The following PIEZO2 variants were observed in gnomAD, a reference collection of about 807,000 sequenced individuals.
PIEZO2 encodes the protein piezo type mechanosensitive ion channel component 2.
In PIEZO2, 172 loss-of-function variants were observed where a neutral mutation model predicts 337.3. That is an observed-to-expected ratio of 0.51 (90% CI 0.45 to 0.58). PIEZO2 has a LOEUF of 0.58. Among genes scored for constraint, PIEZO2 ranks in the 20% least tolerant of loss-of-function variants. PIEZO2 has a pLI of 0.00. For synonymous variants in PIEZO2, 1,251 were observed against 1,228.5 expected (o/e 1.02, Z -0.38); for missense variants, 3,028 against 3,391.3 (o/e 0.89, Z 2.66).
chr18:10,956,567 C>G (rs1182874635), intron 3 of PIEZO2, among the ~76,000 whole-genome samples: 1 of 152,180 alleles, frequency 6.6e-6, no homozygotes, highest in Non-Finnish European at 1.5e-5. Flanking sequence ...AGACCCCAAA[C>G]AGCTAAAACA....
chr18:10,684,327 G>A (rs1387268303), intron 49 of PIEZO2, among the ~76,000 whole-genome samples: 1 of 9,584 alleles, frequency 1.0e-4, no homozygotes, highest in Non-Finnish European at 4.6e-4. Context: ...CACCATGCCT[G>A]GCTAATTTTT....
intron 1 of PIEZO2, among the ~76,000 whole-genome samples, chr18:11,075,111 G>A (rs1170934935): frequency 6.6e-6 from 1 of 152,164 alleles, no homozygotes; most frequent in Non-Finnish European, 1.5e-5. Flanking sequence ...GCAGTAGATA[G>A]GTAAACATTA....
chr18:10,681,468 T>TTA (rs1207011286), intron 51 of PIEZO2, among the ~76,000 whole-genome samples, 193 bp downstream of exon 51: 1 of 152,232 alleles, frequency 6.6e-6, no homozygotes, highest in Non-Finnish European at 1.5e-5. Context: ...TTACCACTAA[T>TTA]GTCCAACAAC....
rs142251928 is a variant in PIEZO2, at chr18:10,801,377, A to T, written c.1239+13T>A. The T allele has an allele frequency of 4.7e-4, 689 of 1,474,866 alleles. 2 individuals carry two copies. The African/African-American group carries it at 8.8e-3, about 19-fold the overall frequency. 91.4% of individuals were successfully genotyped at this position (1,474,866 alleles called of 1,614,324 possible). ...TACACATGCATAAATGATAATTCTAAGGGTATACTAACATCAGATGGTTTG... is the reference window on the plus strand; with the variant it reads ...TACACATGCATAAATGATAATTCTATGGGTATACTAACATCAGATGGTTTG... On this transcript the variant is annotated intron_variant, in intron 10 of 55. Coordinates refer to ENST00000674853, the MANE Select transcript of PIEZO2 (RefSeq NM_001378183.1).
chr18:10,950,882 G>C (rs1364361720), intron 3 of PIEZO2, among the ~76,000 whole-genome samples: 1 of 152,188 alleles, frequency 6.6e-6, no homozygotes, highest in Non-Finnish European at 1.5e-5. Context: ...TCTTGAAGCA[G>C]TCTCCTTTTC....
At chr18:10,887,090 GAC>G (rs2042629705) in intron 4 of PIEZO2, among the ~76,000 whole-genome samples, 1 of 81,250 alleles carries the variant, frequency 1.2e-5, no homozygotes, top group Non-Finnish European at 2.3e-5. Context: ...TTTTTTTTGA[GAC>G]AGAGTCTCGC....
At chr18:10,928,536 G>A (rs1450945879) in intron 3 of PIEZO2, among the ~76,000 whole-genome samples, 2 of 152,164 alleles carry the variant, frequency 1.3e-5, no homozygotes, top group African/African-American at 4.8e-5. Flanking sequence ...AACAGTGCCT[G>A]GCACATAAAT....
At position 10,847,868 on chromosome 18, in the gene PIEZO2, T is replaced by C. The variant is rs2041414585; in HGVS notation, c.917+7485A>G. Among the ~76,000 whole-genome samples the C allele has an allele frequency of 6.6e-6, 1 of 152,240 alleles. No homozygotes were observed. Among genetic ancestry groups the C allele is most frequent in the African/African-American group, 2.4e-5 (1 of 41,464 alleles). On this transcript the variant is annotated intron_variant, in intron 7 of 55. Transcript: ENST00000674853. The surrounding 1 kb of genome is among the most constrained non-coding windows in gnomAD (Gnocchi z 5.7). ...TAGAGATTAACTGCTGCCAATGCCA[T>C]CTTCTAACAAAAAGGTGAAGGGAAA...
intron 1 of PIEZO2, among the ~76,000 whole-genome samples, chr18:11,142,794 A>AAAAG: frequency 6.7e-6 from 1 of 149,814 alleles, no homozygotes; most frequent in Admixed American, 6.7e-5. Context: ...AAAAAAAAAA[A>AAAAG]AGGACCGGGC....
At chr18:10,966,110 C>T (rs145567659) in intron 3 of PIEZO2, among the ~76,000 whole-genome samples, 4 of 152,238 alleles carry the variant, frequency 2.6e-5, no homozygotes, top group African/African-American at 7.2e-5. Flanking sequence ...CTCATTGACA[C>T]CTGGAGTTCA....
chr18:10,820,689 A>T (rs1007537784), intron 7 of PIEZO2, among the ~76,000 whole-genome samples: 4 of 152,128 alleles, frequency 2.6e-5, no homozygotes, highest in Non-Finnish European at 5.9e-5. Flanking sequence ...TTTCATCCGG[A>T]TGCTGAACAT....
intron 2 of PIEZO2, among the ~76,000 whole-genome samples, chr18:10,981,379 T>C (rs2034661663): frequency 6.6e-6 from 1 of 152,126 alleles, no homozygotes; most frequent in South Asian, 2.1e-4. Flanking sequence ...ATATATTGTA[T>C]CTAAGTTGGG....
chr18:10,947,956 A>T (rs1330910784), intron 3 of PIEZO2, among the ~76,000 whole-genome samples: 1 of 152,156 alleles, frequency 6.6e-6, no homozygotes, highest in Non-Finnish European at 1.5e-5. Context: ...AAATAATTAA[A>T]CAATTAAAAT....
At chr18:11,123,717 G>A (rs1469755952) in intron 1 of PIEZO2, among the ~76,000 whole-genome samples, 2 of 152,114 alleles carry the variant, frequency 1.3e-5, no homozygotes, top group Non-Finnish European at 2.9e-5. Context: ...GGCTGAGGCA[G>A]GAGGATGGCG....
In PIEZO2 at chr18:11,067,383, T is replaced by C. The variant is rs144646169; in HGVS notation, c.65-1161A>G. Among the ~76,000 whole-genome samples, 677 of 152,260 alleles carry C rather than the reference T, an allele frequency of 4.4e-3. 3 individuals carry two copies. Among genetic ancestry groups the C allele is most frequent in the African/African-American group, 0.016 (657 of 41,560 alleles). On this transcript the variant is annotated intron_variant, in intron 1 of 55. Coordinates refer to ENST00000674853, the MANE Select transcript of PIEZO2 (RefSeq NM_001378183.1). ...AAAAGGCAAATGTAACCATACTTTC[T>C]TTAAGAAAAAAAAAATTATCTTGAA...
intron 21 of PIEZO2, among the ~76,000 whole-genome samples, chr18:10,765,439 C>T (rs1156388149): frequency 1.3e-5 from 2 of 152,242 alleles, no homozygotes; most frequent in South Asian, 4.1e-4. Context: ...GGTGAGGATG[C>T]CAGGCAGCTG....
chr18:10,971,056 C>T (rs2034216820), intron 3 of PIEZO2, among the ~76,000 whole-genome samples: 1 of 152,100 alleles, frequency 6.6e-6, no homozygotes. Flanking sequence ...TTAATCAGGC[C>T]CTGGAGACTC....
rs2033451877 is a variant in PIEZO2 at position 10,954,911 on chromosome 18, TG to T, written c.286+24623del. ...ACTTCAGGAGATTGAATATATTTTC[TG>T]GGTTCATTAAAATTATTCTTGCACT... On this transcript the variant is annotated intron_variant, in intron 3 of 55. Coordinates refer to ENST00000674853, the MANE Select transcript of PIEZO2 (RefSeq NM_001378183.1). The surrounding 1 kb of genome is among the most constrained non-coding windows in gnomAD (Gnocchi z 4.2). Among the ~76,000 whole-genome samples, 1 of 152,232 alleles carries T rather than the reference TG, an allele frequency of 6.6e-6. No individual in the cohort carries two copies. The highest frequency in any genetic ancestry group is 2.4e-5 in the African/African-American group (1 of 41,456).
intron 2 of PIEZO2, among the ~76,000 whole-genome samples, chr18:11,010,488 A>C (rs922663170): frequency 2.6e-5 from 4 of 152,196 alleles, no homozygotes; most frequent in African/African-American, 7.2e-5. Flanking sequence ...CGGGTCCACA[A>C]CACCACTAGG....
Sources: gnomAD v4.1 joint callset for allele counts (sites outside exome capture counted in the v4.1 genomes callset) on GRCh38, gnomAD v4.1.1 for gene constraint, Gnocchi (gnomAD v3.1) non-coding constraint, MANE v1.5 for transcripts, NCBI Gene and HGNC (gene_info 2026-07-23, HGNC 2026-07-21) for gene names.